The following JPH1 variants were observed in gnomAD, a reference collection of about 807,000 sequenced individuals.
JPH1 encodes junctophilin 1, also known as junctophilin-1.
Under a neutral mutation model 53.6 loss-of-function variants are expected in JPH1, and 12 were observed. The observed-to-expected ratio is 0.22, with a 90% CI of 0.14 to 0.36. The LOEUF is 0.36. Ranked by LOEUF, JPH1 falls within the 10% of genes least tolerant of loss-of-function variation. The pLI is 1.00. For missense variants in JPH1, 808 were observed against 905.5 expected (o/e 0.89, Z 1.38); for synonymous variants, 375 against 363.8 (o/e 1.03, Z -0.35).
intron 2 of JPH1, among the ~76,000 whole-genome samples, chr8:74,314,551 C>G (rs1211121949): frequency 6.6e-6 from 1 of 152,158 alleles, no homozygotes; most frequent in African/African-American, 2.4e-5. Flanking sequence ...AAAACAGCAA[C>G]TTTCCGGGCT....
chr8:74,245,818 C>T (rs1006673140), intron 3 of JPH1, among the ~76,000 whole-genome samples: 3 of 150,378 alleles, frequency 2.0e-5, no homozygotes, highest in African/African-American at 4.9e-5. Flanking sequence ...TTTTTATATA[C>T]CTCAGGATTG....
intron 2 of JPH1, among the ~76,000 whole-genome samples, chr8:74,300,862 G>A (rs1285239268): frequency 6.6e-6 from 1 of 152,136 alleles, no homozygotes; most frequent in African/African-American, 2.4e-5. Context: ...TCATTGATAA[G>A]AAAGAGAGAC....
Position 74,315,005 on chromosome 8 carries a change from T to C in JPH1, c.995A>G (p.Lys332Arg). 1 of 1,614,260 alleles carries C rather than the reference T, an allele frequency of 6.2e-7. No individual in the cohort carries two copies. Among genetic ancestry groups the C allele is most frequent in the South Asian group, 1.1e-5 (1 of 91,086 alleles). The change falls in exon 2 of 6, where the codon AAA (lysine) becomes AGA (arginine). Residue 332 changes from lysine (K) to arginine (R), a missense_variant. Lys to Arg is a conservative substitution (Grantham distance 26). Transcript: ENST00000342232. This position sits in a 1 kb window ranked among gnomAD's most constrained non-coding sequence, Gnocchi z 6.3. ...PDGSKEEGKY[K>R]NNILVRGIRK... ...TATCCCACGGACCAGAATATTATTTTTGTATTTTCCCTCTTCTTTGGAGCC... is the reference window on the plus strand; with the variant it reads ...TATCCCACGGACCAGAATATTATTTCTGTATTTTCCCTCTTCTTTGGAGCC...
Position 74,314,783 on chromosome 8 carries a change from G to A in JPH1, c.1139+78C>T, listed in dbSNP as rs946396008. The A allele has an allele frequency of 8.7e-6, 13 of 1,486,282 alleles. No homozygotes were observed. In the African/African-American group the frequency reaches 1.6e-4, roughly 18 times the overall value. The allele number at this position is 1,486,282 out of a possible 1,614,324, so 92.1% of individuals were successfully genotyped here. A position where few individuals can be genotyped will look rare whatever the true frequency, so the allele number is the denominator to read the frequency against. On this transcript the variant is annotated intron_variant, in intron 2 of 5. Transcript: ENST00000342232. ...TAGAAAGCATTTAGCGATGTCACTG[G>A]CAGATAGACAAACATAATATTTGAT...
At chr8:74,285,390 T>C (rs769733113) in intron 2 of JPH1, among the ~76,000 whole-genome samples, 1 of 152,050 alleles carries the variant, frequency 6.6e-6, no homozygotes. Context: ...GTACTACTTC[T>C]AGAATGAGGA....
At chr8:74,276,412 G>C (rs1320292916) in intron 2 of JPH1, among the ~76,000 whole-genome samples, 1 of 152,162 alleles carries the variant, frequency 6.6e-6, no homozygotes, top group East Asian at 1.9e-4. Flanking sequence ...CTATGTGGCA[G>C]TAACAGGACA....
At chr8:74,283,704 G>A (rs575191867) in intron 2 of JPH1, among the ~76,000 whole-genome samples, 3 of 152,208 alleles carry the variant, frequency 2.0e-5, no homozygotes, top group Admixed American at 1.3e-4. Context: ...TTTTAACAGC[G>A]TGCTGAGTGC....
Position 74,315,364 on chromosome 8 carries a change from G to C in JPH1, c.636C>G (p.Phe212Leu). The change falls in exon 2 of 6, where the codon TTC becomes TTG. Residue 212 changes from phenylalanine (F) to leucine (L), a missense_variant. Coordinates refer to ENST00000342232, the MANE Select transcript of JPH1 (RefSeq NM_020647.4). The surrounding 1 kb of genome is among the most constrained non-coding windows in gnomAD (Gnocchi z 6.3). ...ELAGKKKGGLFRRGSLLGSMK... is the reference protein window; with the variant it reads ...ELAGKKKGGLLRRGSLLGSMK... The stretch of plus-strand genomic sequence containing the variant: ...TGCTTCCAAGAAGGGAGCCCCTCCG[G>C]AAGAGGCCGCCCTTCTTCTTGCCCG... 6.2e-7 allele frequency: 1 copy of C among 1,612,844 alleles called. No homozygotes were observed.
intron 3 of JPH1, among the ~76,000 whole-genome samples, chr8:74,255,445 G>A (rs1806192051): frequency 6.6e-6 from 1 of 152,056 alleles, no homozygotes; most frequent in African/African-American, 2.4e-5. Flanking sequence ...AAAAACCCTA[G>A]AAGAAAACCT....
intron 2 of JPH1, among the ~76,000 whole-genome samples, chr8:74,266,532 G>C (rs1317817279): frequency 2.0e-5 from 3 of 152,182 alleles, no homozygotes; most frequent in Non-Finnish European, 2.9e-5. Context: ...TTTCCAGGGG[G>C]TTGGAGGAGG....
intron 2 of JPH1, among the ~76,000 whole-genome samples, chr8:74,292,404 G>A (rs1394443894): frequency 6.6e-6 from 1 of 152,152 alleles, no homozygotes; most frequent in Non-Finnish European, 1.5e-5. Flanking sequence ...CTTGGTCTAG[G>A]TCTTCCATGA....
chr8:74,237,967 TATC>T (rs1807048714), intron 4 of JPH1, among the ~76,000 whole-genome samples: 2 of 152,202 alleles, frequency 1.3e-5, no homozygotes, highest in Non-Finnish European at 2.9e-5. Flanking sequence ...TTTTGATAAA[TATC>T]ATTATAATAA....
At chr8:74,295,454 T>C (rs1807477526) in intron 2 of JPH1, among the ~76,000 whole-genome samples, 1 of 152,200 alleles carries the variant, frequency 6.6e-6, no homozygotes, top group Non-Finnish European at 1.5e-5. Flanking sequence ...CATGAAAATA[T>C]TTAACAATTG....
At chr8:74,299,068 T>C (rs755582505) in intron 2 of JPH1, among the ~76,000 whole-genome samples, 12 of 152,146 alleles carry the variant, frequency 7.9e-5, no homozygotes, top group African/African-American at 1.2e-4. Context: ...GGGGTTTTTT[T>C]CTCCTCGGGC....
At chr8:74,300,494 G>T (rs1807648184) in intron 2 of JPH1, among the ~76,000 whole-genome samples, 1 of 152,170 alleles carries the variant, frequency 6.6e-6, no homozygotes, top group Non-Finnish European at 1.5e-5. Flanking sequence ...TAATACTTCT[G>T]ATATAAACAA....
chr8:74,253,133 T>TA (rs1302355186), intron 3 of JPH1, among the ~76,000 whole-genome samples: 1 of 152,048 alleles, frequency 6.6e-6, no homozygotes, highest in Non-Finnish European at 1.5e-5. Flanking sequence ...ATTGACCACA[T>TA]AGTTGGAAGT....
At chr8:74,284,449 T>C (rs753096695) in intron 2 of JPH1, among the ~76,000 whole-genome samples, 31 of 152,228 alleles carry the variant, frequency 2.0e-4, no homozygotes, top group Non-Finnish European at 4.0e-4. Flanking sequence ...CATTGCCTTA[T>C]TTAGTCAGAC....
Position 74,259,437 on chromosome 8 carries a change from G to A in JPH1, c.1206C>T (p.Cys402=), listed in dbSNP as rs374337935. Residue 402 remains cysteine, a synonymous_variant, in exon 3 of 6, where the codon TGC becomes TGT. Transcript: ENST00000342232. ...CCCTGGCCACAGCTCTCGCGATGTC[G>A]CACTCCTGGCGAGCGGCCAGCGCGG... The part of the protein sequence containing the change: ...DQAALAARQE[C]DIARAVAREL... The A allele has an allele frequency of 3.2e-5, 52 of 1,613,428 alleles. No homozygotes were observed. Among genetic ancestry groups the A allele is most frequent in the South Asian group, 8.8e-5 (8 of 90,966 alleles).
intron 2 of JPH1, among the ~76,000 whole-genome samples, chr8:74,260,383 C>T (rs1339930581): frequency 1.3e-5 from 2 of 152,056 alleles, no homozygotes; most frequent in East Asian, 1.9e-4. Flanking sequence ...GTCTACTGGC[C>T]CCAGAGAGGG....
Sources: allele counts gnomAD v4.1 joint callset (sites outside exome capture counted in the v4.1 genomes callset), GRCh38; gene constraint gnomAD v4.1.1; non-coding constraint Gnocchi (gnomAD v3.1); transcripts MANE v1.5; gene names NCBI Gene and HGNC (gene_info 2026-07-23, HGNC 2026-07-21).